TNKS2: variants seen among roughly 807,000 people sequenced by gnomAD.
The protein encoded by TNKS2 is tankyrase 2.
In TNKS2, 72 loss-of-function variants were observed where a neutral mutation model predicts 137.6. The ratio of observed to expected loss-of-function variants is 0.52; its 90% CI spans 0.43 to 0.64. The LOEUF is 0.64. TNKS2 is among the 30% of genes least tolerant of loss of function. TNKS2 has a pLI of 0.00. For missense variants in TNKS2, 1,049 were observed against 1,410.2 expected, an observed-to-expected ratio of 0.74 and a Z score of 4.10; for synonymous variants, 516 against 512.1, an observed-to-expected ratio of 1.01 and a Z score of -0.10.
At chr10:91,818,691 C>T (rs954370382) in intron 3 of TNKS2, among the ~76,000 whole-genome samples, 3 of 152,110 alleles carry the variant, frequency 2.0e-5, no homozygotes, top group Non-Finnish European at 4.4e-5. Context: ...CCTCACCACA[C>T]CCAGCCAATT....
At chr10:91,800,081 T>C (rs1481294277) in intron 1 of TNKS2, among the ~76,000 whole-genome samples, 1 of 152,220 alleles carries the variant, frequency 6.6e-6, no homozygotes, top group Admixed American at 6.5e-5. Context: ...TTTTGATCAA[T>C]TGCACCTTTG....
intron 16 of TNKS2, among the ~76,000 whole-genome samples, chr10:91,844,027 T>G (rs1259404044): frequency 1.3e-5 from 2 of 152,230 alleles, no homozygotes; most frequent in Non-Finnish European, 2.9e-5. Flanking sequence ...GAGTTTCTAG[T>G]CCATGCAAGA....
At chr10:91,854,930 T>G in intron 21 of TNKS2, 99 bp from the exon 22 acceptor site, 1 of 503,984 alleles carries the variant, frequency 2.0e-6, no homozygotes, top group Admixed American at 3.6e-5. Flanking sequence ...AAAAAAAAAA[T>G]TGGTAGTAAG....
chr10:91,842,507 C>T, intron 16 of TNKS2, 116 bp downstream of exon 16: 1 of 903,050 alleles, frequency 1.1e-6, no homozygotes, highest in East Asian at 2.6e-5. Context: ...AGCATGGTGG[C>T]TCACACTTGT....
intron 1 of TNKS2, among the ~76,000 whole-genome samples, chr10:91,805,214 A>G (rs778170327): frequency 9.2e-5 from 14 of 151,968 alleles, no homozygotes; most frequent in Non-Finnish European, 1.2e-4. Context: ...CTATTAATCT[A>G]CTGTCTCAGC....
At position 91,855,606 on chromosome 10, in the gene TNKS2, T is replaced by C; in HGVS notation, c.2914-8T>C. 6.2e-7 allele frequency: 1 copy of C among 1,607,922 alleles called. No homozygotes were observed. Among genetic ancestry groups the C allele is most frequent in the South Asian group, 1.1e-5 (1 of 90,268 alleles). On this transcript the variant is annotated splice_region_variant and splice_polypyrimidine_tract_variant and intron_variant, in intron 22 of 26. Coordinates refer to ENST00000371627, the MANE Select transcript of TNKS2 (RefSeq NM_025235.4). ...ATGCACATATATTTCAAACCATTTT[T>C]CTGACAGATGCAAAGTACAGTTCGA...
rs1410514252 is a variant in TNKS2, at chr10:91,864,231, C to T, written c.*1232C>T. The T allele has an allele frequency of 1.3e-5, 2 of 152,610 alleles. No individual in the cohort carries two copies. The highest frequency in any genetic ancestry group is 1.5e-5 in the Non-Finnish European group (1 of 68,032). The allele number at this position is 152,610 out of a possible 1,614,324, so 9.5% of individuals were successfully genotyped here. ...GATGTTATGCCCAATTGGAAATATG[C>T]TGTCAGTTTGTGCACCATATGGTGA... is the stretch of plus-strand genomic sequence containing the variant. On this transcript the variant is annotated 3_prime_UTR_variant, in exon 27 of 27. Coordinates refer to ENST00000371627, the MANE Select transcript of TNKS2 (RefSeq NM_025235.4).
At position 91,855,573 on chromosome 10, in the gene TNKS2, A is replaced by G. The variant is rs746667833; in HGVS notation, c.2914-41A>G. On this transcript the variant is annotated intron_variant, in intron 22 of 26. Coordinates refer to ENST00000371627, the MANE Select transcript of TNKS2 (RefSeq NM_025235.4). ...TGTTCCCCAAATCAGAAAATAACAC[A>G]AATGCTAATGCACATATATTTCAAA... 10 of 1,472,370 alleles carry G rather than the reference A, an allele frequency of 6.8e-6. No homozygotes were observed. The African/African-American group carries it at 1.1e-4, about 17-fold the overall frequency. 91.2% of individuals were successfully genotyped at this position (1,472,370 alleles called of 1,614,324 possible). A position where few individuals can be genotyped will look rare whatever the true frequency, so the allele number is the denominator to read the frequency against.
At chr10:91,799,619 C>T (rs186514697) in intron 1 of TNKS2, among the ~76,000 whole-genome samples, 163 of 152,208 alleles carry the variant, frequency 1.1e-3, no homozygotes, top group Non-Finnish European at 1.9e-3. Context: ...AAATTTAGAT[C>T]GTTTGAATTA....
intron 3 of TNKS2, among the ~76,000 whole-genome samples, chr10:91,818,049 ACTT>A (rs1188211410): frequency 6.6e-6 from 1 of 152,242 alleles, no homozygotes; most frequent in Non-Finnish European, 1.5e-5. Flanking sequence ...TCATGAGAAG[ACTT>A]CTTCATGAAA....
intron 1 of TNKS2, 71 bp from the exon 2 acceptor site, chr10:91,812,912 T>C (rs1844554199): frequency 6.5e-7 from 1 of 1,539,416 alleles, no homozygotes; most frequent in Non-Finnish European, 8.8e-7. Flanking sequence ...CATTTTAGTA[T>C]GGATGGTACT....
rs1369513211 is a variant in TNKS2, at chr10:91,864,450, T to C, written c.*1451T>C. ...CCCTTCAAAGTCGAGGAAAGATCTTTACTCACTTAATGAGGACATTCCCCA... is the reference window on the plus strand; with the variant it reads ...CCCTTCAAAGTCGAGGAAAGATCTTCACTCACTTAATGAGGACATTCCCCA... On this transcript the variant is annotated 3_prime_UTR_variant, in exon 27 of 27. Transcript: ENST00000371627. 1 of 152,516 alleles carries C rather than the reference T, an allele frequency of 6.6e-6. No homozygotes were observed. Among genetic ancestry groups the C allele is most frequent in the African/African-American group, 2.4e-5 (1 of 41,462 alleles). 9.4% of individuals were successfully genotyped at this position (152,516 alleles called of 1,614,324 possible).
intron 7 of TNKS2, 59 bp from the exon 8 acceptor site, chr10:91,826,958 C>A: frequency 7.2e-7 from 1 of 1,391,826 alleles, no homozygotes; most frequent in Non-Finnish European, 9.5e-7. Flanking sequence ...TTACACAGTA[C>A]GAATAATTCT....
At chr10:91,822,821 G>A (rs1259795906) in intron 7 of TNKS2, among the ~76,000 whole-genome samples, 6 of 152,038 alleles carry the variant, frequency 3.9e-5, no homozygotes, top group Admixed American at 3.9e-4. Context: ...GCCTCCCAAA[G>A]TGCTGGGATT....
At chr10:91,859,358 G>A (rs1243127466) in intron 24 of TNKS2, 104 bp from the exon 25 acceptor site, 3 of 955,638 alleles carry the variant, frequency 3.1e-6, no homozygotes, top group Non-Finnish European at 4.4e-6. Flanking sequence ...GCTTTATTAT[G>A]GTTGGGCTAT....
chr10:91,851,579 T>C (rs765976202), intron 21 of TNKS2, among the ~76,000 whole-genome samples: 10 of 152,196 alleles, frequency 6.6e-5, no homozygotes, highest in Non-Finnish European at 1.3e-4. Context: ...GGGAATTGTT[T>C]TAGCTCCTGA....
Position 91,822,375 on chromosome 10 carries a change from G to C in TNKS2, c.795+13G>C. The C allele has an allele frequency of 6.3e-7, 1 of 1,593,254 alleles. No homozygotes were observed. Among genetic ancestry groups the C allele is most frequent in the Non-Finnish European group, 8.6e-7 (1 of 1,161,720 alleles). ...ACTTTTGGTCAAGGTTAGTGCTCTT[G>C]TACTCTCCTAATTACTTTCTAGAGT... On this transcript the variant is annotated intron_variant, in intron 7 of 26. Coordinates refer to ENST00000371627, the MANE Select transcript of TNKS2 (RefSeq NM_025235.4).
At chr10:91,846,424 C>A (rs1354252788) in intron 18 of TNKS2, among the ~76,000 whole-genome samples, 1 of 152,198 alleles carries the variant, frequency 6.6e-6, no homozygotes, top group Admixed American at 6.5e-5. Flanking sequence ...CTTAACTGTT[C>A]ATGAAACAAG....
At position 91,865,042 on chromosome 10, in the gene TNKS2, T is replaced by A. The variant is rs1016074533; in HGVS notation, c.*2043T>A. On this transcript the variant is annotated 3_prime_UTR_variant, in exon 27 of 27. Coordinates refer to ENST00000371627, the MANE Select transcript of TNKS2 (RefSeq NM_025235.4). Reference sequence around the variant, plus strand: ...AGCATGGCAGCATTTTCAGATAGCTTTTTGTTTGTTGGGAAGTTGGGGTTT... The same window carrying A: ...AGCATGGCAGCATTTTCAGATAGCTATTTGTTTGTTGGGAAGTTGGGGTTT... The A allele has an allele frequency of 6.6e-6, 1 of 152,450 alleles. No homozygotes were observed. Among genetic ancestry groups the A allele is most frequent in the Non-Finnish European group, 1.5e-5 (1 of 67,990 alleles). The allele number at this position is 152,450 out of a possible 1,614,324, so 9.4% of individuals were successfully genotyped here. A position where few individuals can be genotyped will look rare whatever the true frequency, so the allele number is the denominator to read the frequency against.
Sources: allele counts gnomAD v4.1 joint callset (sites outside exome capture counted in the v4.1 genomes callset), GRCh38; gene constraint gnomAD v4.1.1; transcripts MANE v1.5; gene names NCBI Gene and HGNC (gene_info 2026-07-23, HGNC 2026-07-21).